Variants in MYH14 observed in about 807,000 individuals in gnomAD.
MYH14 encodes the protein myosin-14.
MYH14 carries 123 observed loss-of-function variants against 255.5 expected under a neutral mutation model. The observed-to-expected ratio is 0.48, with a 90% CI of 0.42 to 0.56. The LOEUF (loss-of-function observed/expected upper bound fraction) is 0.56, where lower values mean the gene tolerates loss of function less well. Among genes scored for constraint, MYH14 ranks in the 20% least tolerant of loss-of-function variants. The probability of loss-of-function intolerance (pLI) is 0.00; values close to 1 mark genes in which losing one functional copy is unlikely to be tolerated. For missense variants in MYH14, 2,423 were observed against 2,802.3 expected (o/e 0.86, Z 3.06); for synonymous variants, 1,095 against 1,161.2 (o/e 0.94, Z 1.16).
At chr19:50,211,233 C>A (rs1323008440) in intron 2 of MYH14, among the ~76,000 whole-genome samples, 1 of 152,128 alleles carries the variant, frequency 6.6e-6, no homozygotes. Context: ...TCTAGGAAGA[C>A]TGAGGCAGGA....
chr19:50,243,152 G>A lies in MYH14; in HGVS notation c.1115-1090G>A, dbSNP rs562987393. 5.3e-3 allele frequency among the ~76,000 whole-genome samples: 809 copies of A among 152,140 alleles called. 6 individuals are homozygous for A. The highest frequency in any genetic ancestry group is 8.3e-3 in the Non-Finnish European group (561 of 67,984). ...CAAAATGCACATAAAACAAGGTGAC[G>A]AGGCTGGGTGCAGTGGCTCACACCT... On this transcript the variant is annotated intron_variant, in intron 10 of 42. Coordinates refer to ENST00000642316, the MANE Select transcript of MYH14 (RefSeq NM_001145809.2).
At chr19:50,226,627 A>G (rs1568475985) in intron 7 of MYH14, among the ~76,000 whole-genome samples, 1 of 151,238 alleles carries the variant, frequency 6.6e-6, no homozygotes, top group Non-Finnish European at 1.5e-5. Flanking sequence ...CCTGGGTCTG[A>G]GGGAGGAGGG....
intron 27 of MYH14, among the ~76,000 whole-genome samples, chr19:50,274,994 C>G (rs1421843053): frequency 6.6e-6 from 1 of 151,428 alleles, no homozygotes; most frequent in East Asian, 1.9e-4. Flanking sequence ...GCCTGGCAGC[C>G]TCTGATCCAC....
At chr19:50,295,249 C>T (rs566647757) in intron 39 of MYH14, among the ~76,000 whole-genome samples, 9 of 151,626 alleles carry the variant, frequency 5.9e-5, no homozygotes, top group African/African-American at 2.2e-4. Context: ...GGCATGAACC[C>T]GGGAGGCAGA....
chr19:50,251,300 G>C (rs898410496), intron 15 of MYH14, among the ~76,000 whole-genome samples: 1 of 151,856 alleles, frequency 6.6e-6, no homozygotes, highest in Admixed American at 6.6e-5. Context: ...ATTCTGCTGT[G>C]GTCACACAAA....
intron 23 of MYH14, 130 bp downstream of exon 23, chr19:50,267,138 TG>T: frequency 1.1e-6 from 1 of 927,586 alleles, no homozygotes; most frequent in Non-Finnish European, 1.6e-6. Flanking sequence ...GTCGGGAGGA[TG>T]GGAGCAAAGC....
chr19:50,269,225 G>A (rs1218799811), intron 24 of MYH14, among the ~76,000 whole-genome samples: 5 of 152,136 alleles, frequency 3.3e-5, no homozygotes, highest in Non-Finnish European at 1.5e-5. Flanking sequence ...CGCCCAGGCT[G>A]GAGTGCAGTG....
At chr19:50,292,769 T>TGTGGGA (rs1187892175) in intron 37 of MYH14, among the ~76,000 whole-genome samples, 6 of 151,384 alleles carry the variant, frequency 4.0e-5, no homozygotes, top group African/African-American at 1.2e-4. Flanking sequence ...TCACAAAGGC[T>TGTGGGA]GTGGGAGTGG....
intron 40 of MYH14, among the ~76,000 whole-genome samples, chr19:50,302,772 C>T (rs972526346): frequency 8.6e-5 from 13 of 151,714 alleles, no homozygotes; most frequent in Admixed American, 2.0e-4. Flanking sequence ...CGTGGTGGCA[C>T]GTGCCTGTAA....
chr19:50,309,613 C>A, intron 42 of MYH14, 27 bp from the exon 43 acceptor site: 3 of 1,421,128 alleles, frequency 2.1e-6, no homozygotes, highest in South Asian at 1.2e-5. Context: ...CATTTCATCT[C>A]TGTATCCTGG....
intron 40 of MYH14, 103 bp downstream of exon 40, chr19:50,301,972 G>A: frequency 1.1e-6 from 1 of 939,118 alleles, no homozygotes; most frequent in Non-Finnish European, 1.6e-6. Flanking sequence ...ACATCCAAAA[G>A]ACATCATCAT....
In MYH14 at chr19:50,247,137, C is replaced by T. The variant is rs200176028; in HGVS notation, c.1329+15C>T. 3.3e-3 allele frequency: 5,232 copies of T among 1,583,854 alleles called. 14 individuals are homozygous for T. The highest frequency in any genetic ancestry group is 3.6e-3 in the Non-Finnish European group (4,192 of 1,155,034). On this transcript the variant is annotated intron_variant, in intron 12 of 42. Transcript: ENST00000642316. The stretch of plus-strand genomic sequence containing the variant: ...CTAAGGAACAGGTAGGCGGGGCTGG[C>T]GGTGGGCAGGCACAGAAAGAGCCGC...
chr19:50,269,370 C>G (rs1422587601), intron 24 of MYH14, among the ~76,000 whole-genome samples: 1 of 152,010 alleles, frequency 6.6e-6, no homozygotes, highest in East Asian at 1.9e-4. Context: ...TTAGTAGAGA[C>G]AGGGTTTCAG....
chr19:50,222,210 GT>G (rs2032859788), intron 3 of MYH14, among the ~76,000 whole-genome samples: 1 of 152,166 alleles, frequency 6.6e-6, no homozygotes, highest in Non-Finnish European at 1.5e-5. Flanking sequence ...GCCGGGTGCA[GT>G]GGCTCATACC....
intron 35 of MYH14, 45 bp from the exon 36 acceptor site, chr19:50,290,842 T>C: frequency 1.3e-6 from 2 of 1,537,796 alleles, no homozygotes; most frequent in South Asian, 1.2e-5. Context: ...AGAGGGAGGC[T>C]GGGCTTCCTG....
intron 23 of MYH14, 43 bp downstream of exon 23, chr19:50,267,051 G>A: frequency 6.6e-7 from 1 of 1,507,494 alleles, no homozygotes; most frequent in Non-Finnish European, 8.9e-7. Flanking sequence ...TCTTCGGGGT[G>A]GGGCTGTGTC....
At chr19:50,265,844 A>T (rs969466500) in intron 22 of MYH14, among the ~76,000 whole-genome samples, 5 of 152,004 alleles carry the variant, frequency 3.3e-5, no homozygotes, top group African/African-American at 9.7e-5. Context: ...AAATAAAAAT[A>T]AAAATTAATA....
At chr19:50,287,281 C>T (rs934362085) in intron 34 of MYH14, among the ~76,000 whole-genome samples, 6 of 152,206 alleles carry the variant, frequency 3.9e-5, no homozygotes, top group Non-Finnish European at 7.3e-5. Flanking sequence ...ATTCACAGAA[C>T]GTGAGGAGAA....
At chr19:50,219,397 G>A (rs888561492) in intron 3 of MYH14, among the ~76,000 whole-genome samples, 4 of 151,922 alleles carry the variant, frequency 2.6e-5, no homozygotes, top group Admixed American at 2.6e-4. Flanking sequence ...AAAATAACAT[G>A]TTGGTGTGGA....
Sources: allele counts gnomAD v4.1 joint callset (sites outside exome capture counted in the v4.1 genomes callset), GRCh38; gene constraint gnomAD v4.1.1; transcripts MANE v1.5; gene names NCBI Gene and HGNC (gene_info 2026-07-23, HGNC 2026-07-21).